Variants in CUEDC1 observed in about 807,000 individuals in gnomAD.
CUEDC1 encodes the protein CUE domain-containing protein 1.
Under a neutral mutation model 43.7 loss-of-function variants are expected in CUEDC1, and 30 were observed. The observed-to-expected ratio is 0.69, with a 90% CI of 0.51 to 0.93. The LOEUF is 0.93. Among genes scored for constraint, CUEDC1 ranks in the 40% least tolerant of loss-of-function variants. The probability of loss-of-function intolerance (pLI) is 0.00; values close to 1 mark genes in which losing one functional copy is unlikely to be tolerated. For missense variants in CUEDC1, 486 were observed against 549.0 expected (o/e 0.89, Z 1.15); for synonymous variants, 223 against 223.6 (o/e 1.00, Z 0.02).
At chr17:57,899,310 T>C (rs2145000422) in intron 1 of CUEDC1, among the ~76,000 whole-genome samples, 1 of 152,266 alleles carries the variant, frequency 6.6e-6, no homozygotes, top group Admixed American at 6.5e-5. Flanking sequence ...GCTCCGCCTG[T>C]GTAGCAGCAG....
intron 1 of CUEDC1, among the ~76,000 whole-genome samples, chr17:57,940,326 C>T (rs962501585): frequency 1.3e-5 from 2 of 151,812 alleles, no homozygotes; most frequent in African/African-American, 2.4e-5. Context: ...AAGCTGGAAA[C>T]AAGAAATTCA....
intron 3 of CUEDC1, among the ~76,000 whole-genome samples, chr17:57,878,844 T>A (rs2074165765): frequency 6.6e-6 from 1 of 152,044 alleles, no homozygotes; most frequent in Admixed American, 6.5e-5. Flanking sequence ...TCTTTGTATT[T>A]TTAGTAGAGA....
intron 2 of CUEDC1, among the ~76,000 whole-genome samples, chr17:57,880,232 G>C (rs564657895): frequency 1.3e-5 from 2 of 152,300 alleles, no homozygotes; most frequent in South Asian, 4.1e-4. Flanking sequence ...GCTATTCTTT[G>C]ATGATAACAT....
chr17:57,924,410 G>T (rs62081769), intron 1 of CUEDC1, among the ~76,000 whole-genome samples: 16,446 of 149,348 alleles, frequency 0.11, 995 homozygotes, highest in Non-Finnish European at 0.14. Flanking sequence ...GGCCTCTTCC[G>T]GCTTCTTTAC....
chr17:57,902,193 G>GA (rs11420183), intron 1 of CUEDC1, among the ~76,000 whole-genome samples: 21,941 of 140,748 alleles, frequency 0.16, 1,797 homozygotes, highest in African/African-American at 0.21. Flanking sequence ...CTCCACCTCA[G>GA]AAAAAAAAAA....
chr17:57,881,293 C>G (rs1296036171), intron 2 of CUEDC1, among the ~76,000 whole-genome samples: 3 of 152,236 alleles, frequency 2.0e-5, no homozygotes, highest in Non-Finnish European at 4.4e-5. Flanking sequence ...AACGTTCTTT[C>G]CTTTGAGGCC....
chr17:57,873,741 A>T (rs2074070895), intron 3 of CUEDC1, 24 bp from the exon 4 acceptor site: 1 of 1,538,088 alleles, frequency 6.5e-7, no homozygotes. Context: ...GGTGACAGGG[A>T]AGAGGAAGTC....
chr17:57,890,802 C>A (rs1177963970), intron 1 of CUEDC1, among the ~76,000 whole-genome samples: 11 of 152,234 alleles, frequency 7.2e-5, no homozygotes. Context: ...CCTGGTACAT[C>A]AGGGCCAGCG....
chr17:57,920,432 C>A (rs1274388891), intron 1 of CUEDC1, among the ~76,000 whole-genome samples: 2 of 152,172 alleles, frequency 1.3e-5, no homozygotes, highest in South Asian at 2.1e-4. Context: ...ACACACACAG[C>A]TGTCAATTAA....
At chr17:57,913,505 C>T (rs890650272) in intron 1 of CUEDC1, among the ~76,000 whole-genome samples, 19 of 152,094 alleles carry the variant, frequency 1.2e-4, no homozygotes, top group Non-Finnish European at 1.3e-4. Flanking sequence ...TTTGTCAATT[C>T]TACTGAATCA....
At chr17:57,926,716 A>G (rs1409095361) in intron 1 of CUEDC1, among the ~76,000 whole-genome samples, 1 of 152,250 alleles carries the variant, frequency 6.6e-6, no homozygotes, top group Non-Finnish European at 1.5e-5. Context: ...GGAAGTCATT[A>G]TAAAGTGAAG....
chr17:57,896,487 GGT>G (rs1555660568), intron 1 of CUEDC1, among the ~76,000 whole-genome samples: 26,497 of 129,822 alleles, frequency 0.2, 2,815 homozygotes, highest in Non-Finnish European at 0.24. Context: ...TGCATTATGG[GGT>G]GTGTGTGTGT....
intron 1 of CUEDC1, among the ~76,000 whole-genome samples, chr17:57,902,051 G>A (rs1356959136): frequency 6.6e-6 from 1 of 152,104 alleles, no homozygotes; most frequent in Non-Finnish European, 1.5e-5. Context: ...GCAGGTGCCT[G>A]TAATCCCAGC....
At chr17:57,941,439 G>A (rs866563082) in intron 1 of CUEDC1, among the ~76,000 whole-genome samples, 2 of 152,184 alleles carry the variant, frequency 1.3e-5, no homozygotes, top group Non-Finnish European at 2.9e-5. Context: ...ATCCAAAGGG[G>A]CAAATGGAGC....
At chr17:57,873,546 C>G (rs374596459) in intron 4 of CUEDC1, 45 bp downstream of exon 4, 2 of 1,502,074 alleles carry the variant, frequency 1.3e-6, no homozygotes, top group South Asian at 1.3e-5. Flanking sequence ...AAGAGAGATG[C>G]TGGACAAGCA....
chr17:57,944,587 C>T (rs1341752216), intron 1 of CUEDC1, among the ~76,000 whole-genome samples: 1 of 152,144 alleles, frequency 6.6e-6, no homozygotes, highest in Non-Finnish European at 1.5e-5. Flanking sequence ...CATATGTAGT[C>T]AATAGCCATG....
chr17:57,872,998 T>G lies in CUEDC1; in HGVS notation c.592-143A>C, dbSNP rs1457529680. 5.2e-6 allele frequency: 4 copies of G among 765,988 alleles called. No homozygotes were observed. In the African/African-American group the frequency reaches 7.0e-5, roughly 13 times the overall value. The allele number at this position is 765,988 out of a possible 1,614,324, so 47.4% of individuals were successfully genotyped here. ...GCTCACACCTCCTAATGGAACCTGG[T>G]TGCGAGCCAAAATCCAACGGACAGG... is the stretch of plus-strand genomic sequence containing the variant. On this transcript the variant is annotated intron_variant, in intron 4 of 10. Coordinates refer to ENST00000577830, the MANE Select transcript of CUEDC1 (RefSeq NM_001271875.2).
At chr17:57,917,258 C>T (rs990648356) in intron 1 of CUEDC1, among the ~76,000 whole-genome samples, 5 of 152,206 alleles carry the variant, frequency 3.3e-5, no homozygotes, top group Non-Finnish European at 5.9e-5. Flanking sequence ...GATGCCTCCC[C>T]GGGTGAATGT....
rs370144184 is a variant in CUEDC1, at chr17:57,885,322, G to A, written c.243C>T (p.Ile81=). 2.9e-5 allele frequency: 46 copies of A among 1,611,236 alleles called. No homozygotes were observed. The highest frequency in any genetic ancestry group is 3.3e-4 in the Middle Eastern group (2 of 6,082). The stretch of plus-strand genomic sequence containing the variant: ...CCAGGTTCATCTGCAGCAGCTGGTC[G>A]ATGGTGGCGTCCACAGCGCCGCTGT... ...RANSGAVDAT[I]DQLLQMNLEG... is the part of the protein sequence containing the mutation. Residue 81 remains isoleucine, a synonymous_variant, in exon 2 of 11, where the codon ATC becomes ATT. Coordinates refer to ENST00000577830, the MANE Select transcript of CUEDC1 (RefSeq NM_001271875.2).
Sources: gnomAD v4.1 joint callset for allele counts (sites outside exome capture counted in the v4.1 genomes callset) on GRCh38, gnomAD v4.1.1 for gene constraint, MANE v1.5 for transcripts, NCBI Gene and HGNC (gene_info 2026-07-23, HGNC 2026-07-21) for gene names.